Variants in PRKD2 observed in about 807,000 individuals in gnomAD.
The protein encoded by PRKD2 is serine/threonine-protein kinase D2.
PRKD2 carries 22 observed loss-of-function variants against 86.0 expected under a neutral mutation model. The ratio of observed to expected loss-of-function variants is 0.26; its 90% confidence interval spans 0.18 to 0.37. The LOEUF (loss-of-function observed/expected upper bound fraction) is 0.37, where lower values mean the gene tolerates loss of function less well. Among genes scored for constraint, PRKD2 ranks in the 10% least tolerant of loss-of-function variants. The probability of loss-of-function intolerance (pLI) is 1.00; values close to 1 mark genes in which losing one functional copy is unlikely to be tolerated. For missense variants in PRKD2, 818 were observed against 1,199.2 expected (o/e 0.68, Z 4.70); for synonymous variants, 509 against 510.9 (o/e 1.00, Z 0.05).
chr19:46,695,415 G>A (rs556555411), intron 9 of PRKD2, among the ~76,000 whole-genome samples: 18 of 152,318 alleles, frequency 1.2e-4, no homozygotes, highest in East Asian at 1.9e-4. Context: ...CCCCGGAGGC[G>A]GAGGTTGCAG....
chr19:46,678,261 G>C lies in PRKD2; in HGVS notation c.2338+135C>G. ...CTCCTGTAGCCACATCCCTCCAGTAGGCCCGCCCCAGCACTGGGCTCCACC... is the reference window on the plus strand; with the variant it reads ...CTCCTGTAGCCACATCCCTCCAGTACGCCCGCCCCAGCACTGGGCTCCACC... On this transcript the variant is annotated intron_variant, in intron 16 of 17. Coordinates refer to ENST00000291281, the MANE Select transcript of PRKD2 (RefSeq NM_016457.5). The surrounding 1 kb of genome is among the most constrained non-coding windows in gnomAD (Gnocchi z 5.7). The C allele has an allele frequency of 7.4e-7, 1 of 1,357,236 alleles. No homozygotes were observed. Among genetic ancestry groups the C allele is most frequent in the Non-Finnish European group, 9.9e-7 (1 of 1,007,520 alleles). 84.1% of individuals were successfully genotyped at this position (1,357,236 alleles called of 1,614,324 possible). A position where few individuals can be genotyped will look rare whatever the true frequency, so the allele number is the denominator to read the frequency against.
chr19:46,698,441 C>T (rs1399446116), intron 7 of PRKD2, among the ~76,000 whole-genome samples: 2 of 152,212 alleles, frequency 1.3e-5, no homozygotes, highest in Non-Finnish European at 2.9e-5. Context: ...CTTCATGCCT[C>T]AGTTTGTCCA....
At position 46,678,389 on chromosome 19, in the gene PRKD2, C is replaced by T. The variant is rs978930540; in HGVS notation, c.2338+7G>A. On this transcript the variant is annotated splice_region_variant and intron_variant, in intron 16 of 17. Transcript: ENST00000291281. The surrounding 1 kb of genome is among the most constrained non-coding windows in gnomAD (Gnocchi z 5.7). Reference sequence around the variant, plus strand: ...ACCCGCCCATGGGGTAGGCGGGCCCCAGGCACCTCCAGCTGAGATGTGGCT... The same window carrying T: ...ACCCGCCCATGGGGTAGGCGGGCCCTAGGCACCTCCAGCTGAGATGTGGCT... 1.9e-6 allele frequency: 3 copies of T among 1,613,922 alleles called. No individual in the cohort carries two copies. Among genetic ancestry groups the T allele is most frequent in the Admixed American group, 3.3e-5 (2 of 60,004 alleles).
intron 3 of PRKD2, among the ~76,000 whole-genome samples, chr19:46,705,786 C>CAAA (rs113746036): frequency 6.2e-5 from 9 of 144,154 alleles, no homozygotes; most frequent in Admixed American, 3.5e-4. Context: ...GACTCAGTTT[C>CAAA]AAAAAAAAAA....
chr19:46,679,308 T>C lies in PRKD2; in HGVS notation c.2071-645A>G, dbSNP rs1016575770. ...TCGCACCACTGCATTCCAGCCTGGG[T>C]GACACAGCGAGACTCCGTCTCAAAA... On this transcript the variant is annotated intron_variant, in intron 15 of 17. Coordinates refer to ENST00000291281, the MANE Select transcript of PRKD2 (RefSeq NM_016457.5). Among the ~76,000 whole-genome samples the C allele has an allele frequency of 1.3e-3, 199 of 152,210 alleles. 2 individuals carry two copies. The highest frequency in any genetic ancestry group is 8.5e-4 in the Admixed American group (13 of 15,278).
At chr19:46,690,036 G>A (rs935577843) in intron 13 of PRKD2, among the ~76,000 whole-genome samples, 3 of 152,048 alleles carry the variant, frequency 2.0e-5, no homozygotes, top group Non-Finnish European at 4.4e-5. Flanking sequence ...CACCATGCCC[G>A]GCCCAGAAGG....
chr19:46,680,948 T>TATA (rs55813443), intron 15 of PRKD2, among the ~76,000 whole-genome samples: 47 of 26,524 alleles, frequency 1.8e-3, no homozygotes, highest in African/African-American at 3.7e-3. Context: ...ATATATATAT[T>TATA]TTTTTTTTTT....
At chr19:46,705,719 A>G (rs1053646988) in intron 3 of PRKD2, among the ~76,000 whole-genome samples, 7 of 151,382 alleles carry the variant, frequency 4.6e-5, no homozygotes, top group Admixed American at 2.6e-4. Flanking sequence ...CCCAGGAGGC[A>G]GAGGTTGTAG....
At chr19:46,689,103 A>G (rs1035707033) in intron 14 of PRKD2, 1 of 146,910 alleles carries the variant, frequency 6.8e-6, no homozygotes, top group African/African-American at 2.6e-5. Context: ...TTACTTCTGT[A>G]CGATTATGGT....
In PRKD2 at chr19:46,716,367, C is replaced by A. The variant is rs1459489245; in HGVS notation, c.4G>T (p.Ala2Ser). Residue 2 changes from alanine (A) to serine (S), a missense_variant, in exon 1 of 18, where the codon GCC becomes TCC. Transcript: ENST00000291281. This position sits in a 1 kb window ranked among gnomAD's most constrained non-coding sequence, Gnocchi z 7.9. M[A>S]TAPSYPAGLP... Reference sequence around the variant, plus strand: ...CCGGCGGGATAAGAGGGGGCGGTGGCCATGGGGGGAGGCCGGGGACCGGCC... The same window carrying A: ...CCGGCGGGATAAGAGGGGGCGGTGGACATGGGGGGAGGCCGGGGACCGGCC... The A allele has an allele frequency of 2.1e-6, 3 of 1,419,872 alleles. No individual in the cohort carries two copies. Among genetic ancestry groups the A allele is most frequent in the Non-Finnish European group, 1.8e-6 (2 of 1,086,954 alleles). 88.0% of individuals were successfully genotyped at this position (1,419,872 alleles called of 1,614,324 possible).
intron 2 of PRKD2, among the ~76,000 whole-genome samples, chr19:46,712,399 C>T (rs576438972): frequency 1.3e-5 from 2 of 150,114 alleles, no homozygotes; most frequent in Admixed American, 6.6e-5. Context: ...AAATTAGCCA[C>T]GTGTGGTAGC....
intron 15 of PRKD2, among the ~76,000 whole-genome samples, chr19:46,680,948 T>TATATATATA (rs55813443): frequency 4.5e-4 from 12 of 26,532 alleles, no homozygotes; most frequent in African/African-American, 6.6e-4. Flanking sequence ...ATATATATAT[T>TATATATATA]TTTTTTTTTT....
Position 46,701,058 on chromosome 19 carries a change from A to G in PRKD2, c.944T>C (p.Leu315Pro). The G allele has an allele frequency of 6.2e-7, 1 of 1,614,170 alleles. No individual in the cohort carries two copies. Among genetic ancestry groups the G allele is most frequent in the Non-Finnish European group, 8.5e-7 (1 of 1,180,034 alleles). Residue 315 changes from leucine to proline, a missense_variant, in exon 6 of 18, where the codon CTG (leucine) becomes CCG (proline). By Grantham distance (98) the Leu-to-Pro change is moderately conservative. Coordinates refer to ENST00000291281, the MANE Select transcript of PRKD2 (RefSeq NM_016457.5). ...ACCTCCATTGATAAGGGCCTCCCCC[A>G]GGCAGTCATTAGGGACGCGGGTGGC... ...RCATRVPNDC[L>P]GEALINGDVP...
Position 46,716,573 on chromosome 19 carries a change from C to A in PRKD2, c.-203G>T. 2.4e-6 allele frequency: 1 copy of A among 418,546 alleles called. No homozygotes were observed. 25.9% of individuals were successfully genotyped at this position (418,546 alleles called of 1,614,324 possible). A position where few individuals can be genotyped will look rare whatever the true frequency, so the allele number is the denominator to read the frequency against. On this transcript the variant is annotated 5_prime_UTR_variant, in exon 1 of 18. Transcript: ENST00000291281. This position sits in a 1 kb window ranked among gnomAD's most constrained non-coding sequence, Gnocchi z 7.9. Reference sequence around the variant, plus strand: ...GAAAGGCACTATAGTGGGTCAGAGGCCCGGAATCCAGGGCTCCCAGAAGAT... The same window carrying A: ...GAAAGGCACTATAGTGGGTCAGAGGACCGGAATCCAGGGCTCCCAGAAGAT...
intron 5 of PRKD2, among the ~76,000 whole-genome samples, chr19:46,703,240 G>C (rs1391104087): frequency 6.6e-6 from 1 of 152,064 alleles, no homozygotes; most frequent in Non-Finnish European, 1.5e-5. Flanking sequence ...CGGAATTCTT[G>C]AATGCTATGG....
intron 14 of PRKD2, among the ~76,000 whole-genome samples, chr19:46,682,942 T>A (rs1293587951): frequency 1.3e-5 from 2 of 151,902 alleles, no homozygotes; most frequent in African/African-American, 4.8e-5. Context: ...ACTCAAGTGA[T>A]CCACCCACCT....
At chr19:46,679,707 C>T (rs1179758819) in intron 15 of PRKD2, among the ~76,000 whole-genome samples, 7 of 152,134 alleles carry the variant, frequency 4.6e-5, no homozygotes, top group African/African-American at 1.7e-4. Flanking sequence ...TCACTGCAAC[C>T]TCTGCCTCCC....
At position 46,697,917 on chromosome 19, in the gene PRKD2, G is replaced by A. The variant is rs1455284127; in HGVS notation, c.1122-67C>T. 5 of 1,283,248 alleles carry A rather than the reference G, an allele frequency of 3.9e-6. No homozygotes were observed. In the African/African-American group the frequency reaches 5.9e-5, roughly 15 times the overall value. The allele number at this position is 1,283,248 out of a possible 1,614,324, so 79.5% of individuals were successfully genotyped here. ...GTGACCATGCTGCTTGGGAATGCAG[G>A]GGGCATCTCTGGGAAACTAGGGAGT... On this transcript the variant is annotated intron_variant, in intron 7 of 17. Transcript: ENST00000291281.
At chr19:46,711,527 G>A (rs1219368901) in intron 2 of PRKD2, among the ~76,000 whole-genome samples, 10 of 151,822 alleles carry the variant, frequency 6.6e-5, no homozygotes, top group Non-Finnish European at 1.5e-4. Flanking sequence ...AGAGTAGCTG[G>A]GATTACAGGC....
Sources: gnomAD v4.1 joint callset for allele counts (sites outside exome capture counted in the v4.1 genomes callset) on GRCh38, gnomAD v4.1.1 for gene constraint, Gnocchi (gnomAD v3.1) non-coding constraint, MANE v1.5 for transcripts, NCBI Gene and HGNC (gene_info 2026-07-23, HGNC 2026-07-21) for gene names.